ERCC2: variants seen among roughly 807,000 people sequenced by gnomAD.
ERCC2 encodes general transcription and DNA repair factor IIH helicase subunit XPD.
ERCC2 carries 90 observed loss-of-function variants against 99.4 expected under a neutral mutation model. The observed-to-expected ratio is 0.91, with a 90% CI of 0.76 to 1.08. ERCC2 has a LOEUF of 1.08. Ranked by LOEUF, ERCC2 falls within the 50% of genes least tolerant of loss-of-function variation. The pLI is 0.00. For synonymous variants in ERCC2, 497 were observed against 432.4 expected, an observed-to-expected ratio of 1.15 and a Z score of -1.85; for missense variants, 993 against 1,038.1, an observed-to-expected ratio of 0.96 and a Z score of 0.60.
In ERCC2 at chr19:45,369,109, C is replaced by T; in HGVS notation, c.144G>A (p.Lys48=). ...GVLEMPSGTG[K]TVSLLALIMA... Reference sequence around the variant, plus strand: ...TGATCAGGGCCAACAGGGATACTGTCTTCCCGGTGCCTGAGGGCATCTCCA... The same window carrying T: ...TGATCAGGGCCAACAGGGATACTGTTTTCCCGGTGCCTGAGGGCATCTCCA... Residue 48 remains lysine (K), a synonymous_variant, in exon 3 of 23, where the codon AAG becomes AAA. Transcript: ENST00000391945. The T allele has an allele frequency of 6.2e-7, 1 of 1,614,184 alleles. No individual in the cohort carries two copies. Among genetic ancestry groups the T allele is most frequent in the Non-Finnish European group, 8.5e-7 (1 of 1,180,026 alleles).
At chr19:45,357,807 G>T in intron 12 of ERCC2, 108 bp from the exon 13 acceptor site, 3 of 1,009,544 alleles carry the variant, frequency 3.0e-6, no homozygotes, top group South Asian at 1.3e-5. Context: ...TCTCCACCCC[G>T]TACTGCCTGG....
intron 5 of ERCC2, among the ~76,000 whole-genome samples, chr19:45,366,276 G>A (rs982509485): frequency 5.3e-5 from 8 of 152,106 alleles, no homozygotes; most frequent in Non-Finnish European, 1.5e-5. Context: ...CCGAGTAGCT[G>A]GGATTACAGA....
chr19:45,357,279 G>A lies in ERCC2; in HGVS notation c.1470C>T (p.Leu490=), dbSNP rs1568536018. The change falls in exon 15 of 23, where the codon CTC becomes CTT. Residue 490 remains leucine, a synonymous_variant. Transcript: ENST00000391945. ...TFTMTLARVC[L]CPMIIGRGND... ...AGCCTCTCCCACTCACCATAGGGCA[G>A]AGGCAGACCCGTGCCAGCGTCATGG... 7.4e-6 allele frequency: 12 copies of A among 1,613,346 alleles called. No individual in the cohort carries two copies. The highest frequency in any genetic ancestry group is 1.3e-5 in the African/African-American group (1 of 75,044).
Position 45,350,707 on chromosome 19 carries a change from G to C in ERCC2, c.*922C>G. 6.2e-7 allele frequency: 1 copy of C among 1,613,688 alleles called. No homozygotes were observed. Among genetic ancestry groups the C allele is most frequent in the African/African-American group, 1.3e-5 (1 of 75,028 alleles). On this transcript the variant is annotated 3_prime_UTR_variant, in exon 23 of 23. Transcript: ENST00000391945. ...TATCAGGCGAGGAAGTGAGAAGCTG[G>C]TCTCCCGGCTCCGAGGCGAGGCGGC...
intron 5 of ERCC2, among the ~76,000 whole-genome samples, chr19:45,365,459 AC>A (rs1972394927): frequency 6.6e-6 from 1 of 152,152 alleles, no homozygotes; most frequent in African/African-American, 2.4e-5. Flanking sequence ...CACTAAAAAT[AC>A]ATTAGCCAGG....
At position 45,352,782 on chromosome 19, in the gene ERCC2, G is replaced by A. The variant is rs16979773; in HGVS notation, c.1866C>T (p.Gly622=). ...HHYGRAVIMF[G]VPYVYTQSRI... ...GGCTCTGTGTGTAGACGTAGGGGAC[G>A]CCAAACATGATGACGGCCCGCCCGT... is the stretch of plus-strand genomic sequence containing the variant. The change falls in exon 20 of 23, where the codon GGC becomes GGT. Residue 622 remains glycine, a synonymous_variant. Transcript: ENST00000391945. The A allele has an allele frequency of 4.4e-4, 710 of 1,610,596 alleles. No individual in the cohort carries two copies. Among genetic ancestry groups the A allele is most frequent in the Middle Eastern group, 1.3e-3 (8 of 6,054 alleles).
intron 7 of ERCC2, 84 bp from the exon 8 acceptor site, chr19:45,364,631 CACACAGGCCTGCACAGGCAG>C (rs1972360255): frequency 6.3e-7 from 1 of 1,580,658 alleles, no homozygotes; most frequent in Non-Finnish European, 8.6e-7. Flanking sequence ...CCGTCACTCC[CACACAGGCCTGCACAGGCAG>C]ACACAGGCCA....
intron 1 of ERCC2, 116 bp downstream of exon 1, chr19:45,370,420 T>TGG: frequency 6.9e-7 from 1 of 1,447,566 alleles, no homozygotes; most frequent in Non-Finnish European, 9.2e-7. Context: ...GCTGCCCCCG[T>TGG]CCCACCCCTT....
intron 15 of ERCC2, among the ~76,000 whole-genome samples, chr19:45,356,212 C>A (rs752530573): frequency 6.6e-6 from 1 of 152,316 alleles, no homozygotes; most frequent in East Asian, 1.9e-4. Flanking sequence ...TCCCACCAGC[C>A]GGCAACCTCA....
rs1803748286 is a variant in ERCC2, at chr19:45,350,191, G to A, written c.*1438C>T. ...AACCCCAACACTTTGGGAGGCCAAG[G>A]CAGGAGGATCACTTGAGGCTAGGAG... On this transcript the variant is annotated 3_prime_UTR_variant, in exon 23 of 23. Coordinates refer to ENST00000391945, the MANE Select transcript of ERCC2 (RefSeq NM_000400.4). 1.4e-5 allele frequency: 9 copies of A among 633,480 alleles called. No homozygotes were observed. In the Admixed American group the frequency reaches 1.7e-4, roughly 12 times the overall value. 39.2% of individuals were successfully genotyped at this position (633,480 alleles called of 1,614,324 possible).
Position 45,370,185 on chromosome 19 carries a change from T to C in ERCC2, c.53A>G (p.Tyr18Cys). 1 of 1,613,122 alleles carries C rather than the reference T, an allele frequency of 6.2e-7. No individual in the cohort carries two copies. The highest frequency in any genetic ancestry group is 8.5e-7 in the Non-Finnish European group (1 of 1,179,458). ...CCGCATGTAGGAGAACTGCTCGGGG[T>C]AGATGTAGTCGTACGGGAAGTAGAC... The part of the protein sequence containing the change: ...LLVYFPYDYI[Y>C]PEQFSYMREL... The change falls in exon 2 of 23, where the codon TAC (tyrosine) becomes TGC (cysteine). Residue 18 changes from tyrosine to cysteine, a missense_variant. Transcript: ENST00000391945.
At chr19:45,353,959 G>A (rs1047273709) in intron 17 of ERCC2, among the ~76,000 whole-genome samples, 1 of 152,232 alleles carries the variant, frequency 6.6e-6, no homozygotes, top group African/African-American at 2.4e-5. Context: ...GTCTTAAGTA[G>A]GACACAAAAG....
In ERCC2 at chr19:45,350,729, C is replaced by T. The variant is rs751392586; in HGVS notation, c.*900G>A. 3.0e-5 allele frequency: 48 copies of T among 1,612,150 alleles called. 1 individual carries two copies. The highest frequency in any genetic ancestry group is 2.4e-4 in the South Asian group (22 of 90,856). On this transcript the variant is annotated 3_prime_UTR_variant, in exon 23 of 23. Coordinates refer to ENST00000391945, the MANE Select transcript of ERCC2 (RefSeq NM_000400.4). ...CTGGTCTCCCGGCTCCGAGGCGAGG[C>T]GGCGGCAGGAGCAGCCGGGTGAGTG... is the stretch of plus-strand genomic sequence containing the variant.
Position 45,352,511 on chromosome 19 carries a change from C to T in ERCC2, c.2041G>A (p.Asp681Asn), listed in dbSNP as rs121913023. 1.4e-5 allele frequency: 22 copies of T among 1,613,994 alleles called. No individual in the cohort carries two copies. Among genetic ancestry groups the T allele is most frequent in the Non-Finnish European group, 1.7e-5 (20 of 1,180,008 alleles). Residue 681 changes from aspartate (D) to asparagine (N), a missense_variant, in exon 21 of 23, where the codon GAC (aspartate) becomes AAC (asparagine). This residue lies in a region of ERCC2 where 909 missense variants were observed against 930.8 expected (regional missense o/e 0.98). Transcript: ENST00000391945. ...GGGCACCCCTGAAGCTGCACCTTGTCGGCAAAGACCATGAGGCCGTAGTCC... is the reference window on the plus strand; with the variant it reads ...GGGCACCCCTGAAGCTGCACCTTGTTGGCAAAGACCATGAGGCCGTAGTCC... ...KTDYGLMVFA[D>N]KRFARGDKRG...
rs371888025 is a variant in ERCC2 at position 45,350,309 on chromosome 19, C to T, written c.*1320G>A. 114 of 1,594,312 alleles carry T rather than the reference C, an allele frequency of 7.2e-5. No homozygotes were observed. Among genetic ancestry groups the T allele is most frequent in the African/African-American group, 2.7e-4 (20 of 74,214 alleles). On this transcript the variant is annotated 3_prime_UTR_variant, in exon 23 of 23. Transcript: ENST00000391945. The stretch of plus-strand genomic sequence containing the variant: ...GGATGCAGTGTTGGGAACTGGGGTC[C>T]GAAAAGTTCCCAGACACTCCCTTCT...
chr19:45,352,268 C>G lies in ERCC2; in HGVS notation c.2131G>C (p.Asp711His). 1 of 1,614,150 alleles carries G rather than the reference C, an allele frequency of 6.2e-7. No homozygotes were observed. Among genetic ancestry groups the G allele is most frequent in the Non-Finnish European group, 8.5e-7 (1 of 1,180,020 alleles). Residue 711 changes from aspartate to histidine, a missense_variant, in exon 22 of 23, where the codon GAC (aspartate) becomes CAC (histidine). By Grantham distance (81) the Asp-to-His change is moderately conservative (BLOSUM62 -1). Coordinates refer to ENST00000391945, the MANE Select transcript of ERCC2 (RefSeq NM_000400.4). ...LTDANLNLTV[D>H]EGVQVAKYFL... The stretch of plus-strand genomic sequence containing the variant: ...TACTTGGCCACCTGGACACCCTCGT[C>G]CACGGTCAGGTTGAGGTTGGCATCT...
At chr19:45,369,708 C>T (rs1212273082) in intron 2 of ERCC2, among the ~76,000 whole-genome samples, 1 of 152,130 alleles carries the variant, frequency 6.6e-6, no homozygotes, top group Admixed American at 6.6e-5. Flanking sequence ...AGACAAGTGT[C>T]ACTATTGCCC....
At chr19:45,358,102 G>T (rs888699377) in intron 12 of ERCC2, 8 of 318,738 alleles carry the variant, frequency 2.5e-5, no homozygotes, top group African/African-American at 1.7e-4. Context: ...CTAGAGTGCA[G>T]TGGCATGATC....
rs895445142 is a variant in ERCC2, at chr19:45,368,603, G to A, written c.360+27C>T. ...AGAGTTTTCTCTACCTCTGGGCTAAGGGCAAGGAGAAGGAACAGGTGCTCA... is the reference window on the plus strand; with the variant it reads ...AGAGTTTTCTCTACCTCTGGGCTAAAGGCAAGGAGAAGGAACAGGTGCTCA... On this transcript the variant is annotated intron_variant, in intron 5 of 22. Coordinates refer to ENST00000391945, the MANE Select transcript of ERCC2 (RefSeq NM_000400.4). The A allele has an allele frequency of 2.0e-6, 3 of 1,470,622 alleles. No homozygotes were observed. The African/African-American group carries it at 4.2e-5, about 20-fold the overall frequency. The allele number at this position is 1,470,622 out of a possible 1,614,324, so 91.1% of individuals were successfully genotyped here.
Sources: allele counts gnomAD v4.1 joint callset (sites outside exome capture counted in the v4.1 genomes callset), GRCh38; gene constraint gnomAD v4.1.1; regional missense constraint gnomAD v4.1.1; transcripts MANE v1.5; gene names NCBI Gene and HGNC (gene_info 2026-07-23, HGNC 2026-07-21).